The following GRID2 variants were observed in gnomAD, a reference collection of about 807,000 sequenced individuals.
GRID2 encodes the protein glutamate receptor ionotropic, delta-2.
A neutral mutation model predicts 114.8 loss-of-function variants in GRID2; 33 were observed. That is an observed-to-expected ratio of 0.29 (90% CI 0.22 to 0.38). The LOEUF (loss-of-function observed/expected upper bound fraction) is 0.38. Ranked by LOEUF, GRID2 falls within the 10% of genes least tolerant of loss-of-function variation. GRID2 has a pLI of 1.00. For missense variants in GRID2, 1,184 were observed against 1,257.7 expected (o/e 0.94, Z 0.89); for synonymous variants, 505 against 449.9 (o/e 1.12, Z -1.55).
intron 1 of GRID2, among the ~76,000 whole-genome samples, chr4:92,354,686 A>G (rs893911349): frequency 3.3e-5 from 5 of 151,960 alleles, no homozygotes; most frequent in African/African-American, 1.2e-4. Flanking sequence ...TTATATGCCA[A>G]CTGTATGTCA....
chr4:92,444,568 G>T (rs1312370006), intron 1 of GRID2, among the ~76,000 whole-genome samples: 1 of 152,174 alleles, frequency 6.6e-6, no homozygotes, highest in African/African-American at 2.4e-5. Flanking sequence ...CTTCTTTTGT[G>T]ATTCTTCAGT....
intron 2 of GRID2, among the ~76,000 whole-genome samples, chr4:92,686,644 C>T (rs1222317578): frequency 2.0e-5 from 3 of 151,894 alleles, no homozygotes; most frequent in Non-Finnish European, 4.4e-5. Flanking sequence ...GATAAATATA[C>T]CTGTTAATAT....
chr4:92,821,132 A>G (rs1395002155), intron 2 of GRID2, among the ~76,000 whole-genome samples: 1 of 152,190 alleles, frequency 6.6e-6, no homozygotes, highest in Non-Finnish European at 1.5e-5. Flanking sequence ...GATATTTTGA[A>G]TTGATATGTT....
intron 2 of GRID2, among the ~76,000 whole-genome samples, chr4:92,690,800 A>G (rs1013467974): frequency 8.6e-5 from 13 of 152,026 alleles, no homozygotes; most frequent in Admixed American, 6.6e-4. Flanking sequence ...CATGTTCTTA[A>G]CTGGCTTTAT....
At chr4:92,343,408 T>C (rs1181360731) in intron 1 of GRID2, among the ~76,000 whole-genome samples, 1 of 152,116 alleles carries the variant, frequency 6.6e-6, no homozygotes, top group Non-Finnish European at 1.5e-5. Flanking sequence ...AATGTGGAGA[T>C]TGTGGTACTG....
Position 92,531,794 on chromosome 4 carries a change from T to C in GRID2, c.89-58337T>C, listed in dbSNP as rs554206095. Among the ~76,000 whole-genome samples, 7 of 152,208 alleles carry C rather than the reference T, an allele frequency of 4.6e-5. No individual in the cohort carries two copies. In the East Asian group the frequency reaches 9.7e-4, roughly 21 times the overall value. On this transcript the variant is annotated intron_variant, in intron 1 of 15. Coordinates refer to ENST00000282020, the MANE Select transcript of GRID2 (RefSeq NM_001510.4). ...CTTTTTGATAATTCTCAGTTTTTTT[T>C]CTTCATTTTTAAACTTATCTTTCAG...
chr4:92,921,890 T>G (rs562159744), intron 2 of GRID2, among the ~76,000 whole-genome samples: 1 of 152,204 alleles, frequency 6.6e-6, no homozygotes, highest in Non-Finnish European at 1.5e-5. Context: ...ACGGGTACAT[T>G]TAAGTCTGCA....
chr4:93,136,191 G>C (rs887431593), intron 4 of GRID2, among the ~76,000 whole-genome samples: 4 of 151,102 alleles, frequency 2.6e-5, no homozygotes, highest in Admixed American at 6.6e-5. Flanking sequence ...GGCTGTTCTT[G>C]TATCTGCTAA....
chr4:92,798,854 C>T (rs1740015344), intron 2 of GRID2, among the ~76,000 whole-genome samples: 1 of 151,942 alleles, frequency 6.6e-6, no homozygotes. Flanking sequence ...TTGTATGCTA[C>T]TTGCATGGCT....
chr4:92,634,953 A>G (rs1418198555), intron 2 of GRID2, among the ~76,000 whole-genome samples: 3 of 151,962 alleles, frequency 2.0e-5, no homozygotes, highest in Admixed American at 6.6e-5. Flanking sequence ...TGCAGCTGCA[A>G]TAAAGAAGCT....
intron 2 of GRID2, among the ~76,000 whole-genome samples, chr4:92,899,566 TAGTC>T (rs1397225257): frequency 6.6e-6 from 1 of 152,172 alleles, no homozygotes; most frequent in South Asian, 2.1e-4. Flanking sequence ...ACTGATTTAA[TAGTC>T]AGAGTTCTTT....
chr4:93,646,919 G>A (rs1722164660), intron 14 of GRID2, among the ~76,000 whole-genome samples: 1 of 152,140 alleles, frequency 6.6e-6, no homozygotes, highest in East Asian at 1.9e-4. Flanking sequence ...CCCAAAGTAG[G>A]TTAACAAACA....
chr4:92,874,876 ATTTTC>A (rs1192856859), intron 2 of GRID2, among the ~76,000 whole-genome samples: 1 of 151,998 alleles, frequency 6.6e-6, no homozygotes, highest in Non-Finnish European at 1.5e-5. Flanking sequence ...AAACCATTTT[ATTTTC>A]TTTTTTCAAA....
At chr4:92,529,059 C>G in intron 1 of GRID2, among the ~76,000 whole-genome samples, 1 of 151,998 alleles carries the variant, frequency 6.6e-6, no homozygotes, top group East Asian at 1.9e-4. Flanking sequence ...GGACGTGAGT[C>G]AAAAGAATGA....
chr4:92,720,258 A>C (rs1735747599), intron 2 of GRID2, among the ~76,000 whole-genome samples: 1 of 152,080 alleles, frequency 6.6e-6, no homozygotes, highest in Admixed American at 6.6e-5. Flanking sequence ...AAATTGAGAA[A>C]AATTATTTGA....
Position 93,443,942 on chromosome 4 carries a change from A to C in GRID2, c.1546-11720A>C, listed in dbSNP as rs1482633036. 3.3e-5 allele frequency among the ~76,000 whole-genome samples: 5 copies of C among 152,104 alleles called. No individual in the cohort carries two copies. The South Asian group carries it at 6.2e-4, about 19-fold the overall frequency. On this transcript the variant is annotated intron_variant, in intron 10 of 15. Transcript: ENST00000282020. ...CATCTTTCTTGGAGAACATTTTTGG[A>C]AAATGACTGTGGGCAAAGCAATGTG...
At chr4:93,493,194 A>G (rs1350146464) in intron 12 of GRID2, among the ~76,000 whole-genome samples, 1 of 151,912 alleles carries the variant, frequency 6.6e-6, no homozygotes, top group African/African-American at 2.4e-5. Flanking sequence ...TATGTAGTTC[A>G]CATCTGACTT....
Position 92,398,550 on chromosome 4 carries a change from C to T in GRID2, c.88+93806C>T, listed in dbSNP as rs145923406. Among the ~76,000 whole-genome samples the T allele has an allele frequency of 4.7e-4, 72 of 152,286 alleles. No homozygotes were observed. The East Asian group carries it at 0.011, about 24-fold the overall frequency. On this transcript the variant is annotated intron_variant, in intron 1 of 15. Coordinates refer to ENST00000282020, the MANE Select transcript of GRID2 (RefSeq NM_001510.4). ...CTGGGCTCAAGTGATCTACCTGCCT[C>T]GGCCTTGCAAAGTGCTGGGATTACA...
At chr4:93,309,075 G>T (rs1755736414) in intron 8 of GRID2, among the ~76,000 whole-genome samples, 1 of 152,074 alleles carries the variant, frequency 6.6e-6, no homozygotes, top group Admixed American at 6.6e-5. Flanking sequence ...TTATCTAGCA[G>T]TAAGTGTATA....
Sources: allele counts gnomAD v4.1 joint callset (sites outside exome capture counted in the v4.1 genomes callset), GRCh38; gene constraint gnomAD v4.1.1; transcripts MANE v1.5; gene names NCBI Gene and HGNC (gene_info 2026-07-23, HGNC 2026-07-21).